Variants in SCMH1 observed in about 807,000 individuals in gnomAD.
SCMH1 encodes polycomb protein SCMH1.
Under a neutral mutation model 70.8 loss-of-function variants are expected in SCMH1, and 37 were observed. That is an observed-to-expected ratio of 0.52 (90% confidence interval 0.40 to 0.69). The LOEUF is 0.69. Ranked by LOEUF, SCMH1 falls within the 30% of genes least tolerant of loss-of-function variation. SCMH1 has a pLI of 0.00. For synonymous variants in SCMH1, 292 were observed against 307.4 expected (o/e 0.95, Z 0.52); for missense variants, 607 against 827.3 (o/e 0.73, Z 3.27).
chr1:41,183,078 C>T (rs1287274894), intron 2 of SCMH1, among the ~76,000 whole-genome samples: 1 of 152,116 alleles, frequency 6.6e-6, no homozygotes, highest in Non-Finnish European at 1.5e-5. Flanking sequence ...CTCTGGCAGT[C>T]CCTATTCCAG....
chr1:41,040,106 G>A (rs965597156), intron 12 of SCMH1, among the ~76,000 whole-genome samples: 2 of 152,142 alleles, frequency 1.3e-5, no homozygotes, highest in Middle Eastern at 6.8e-3. Flanking sequence ...AAAATGGAGA[G>A]GAAAAATGCT....
chr1:41,072,790 C>T (rs578004882), intron 9 of SCMH1, among the ~76,000 whole-genome samples: 2 of 152,158 alleles, frequency 1.3e-5, no homozygotes, highest in African/African-American at 4.8e-5. Flanking sequence ...CGCTTGAGCC[C>T]AGGAGGTCAA....
intron 6 of SCMH1, among the ~76,000 whole-genome samples, chr1:41,128,925 A>G (rs1019673228): frequency 1.3e-5 from 2 of 151,994 alleles, no homozygotes; most frequent in African/African-American, 4.8e-5. Context: ...TCCAACAGTA[A>G]TATGTTGTGG....
At chr1:41,084,871 G>A (rs1207581651) in intron 8 of SCMH1, among the ~76,000 whole-genome samples, 11 of 150,742 alleles carry the variant, frequency 7.3e-5, no homozygotes, top group South Asian at 2.1e-4. Flanking sequence ...GTAAACTATC[G>A]CAAGAACAAA....
chr1:41,133,989 AT>A, intron 6 of SCMH1, among the ~76,000 whole-genome samples: 1 of 152,328 alleles, frequency 6.6e-6, no homozygotes, highest in Middle Eastern at 3.4e-3. Flanking sequence ...AAAAAACAGA[AT>A]TTTAGACCAC....
chr1:41,065,556 G>C (rs1654303824), intron 10 of SCMH1, among the ~76,000 whole-genome samples: 1 of 152,188 alleles, frequency 6.6e-6, no homozygotes, highest in South Asian at 2.1e-4. Flanking sequence ...GATACTACCT[G>C]ACTTCAAGAC....
chr1:41,070,937 T>C (rs988716828), intron 9 of SCMH1, among the ~76,000 whole-genome samples: 2 of 152,216 alleles, frequency 1.3e-5, no homozygotes, highest in Non-Finnish European at 2.9e-5. Context: ...CTCTGGTCTT[T>C]TTTAGGGTCA....
intron 10 of SCMH1, among the ~76,000 whole-genome samples, chr1:41,060,448 T>G (rs1005835556): frequency 6.6e-6 from 1 of 150,776 alleles, no homozygotes. Context: ...AAACTGTTCT[T>G]GAAATGTGAG....
intron 1 of SCMH1, among the ~76,000 whole-genome samples, chr1:41,206,869 G>T (rs968493624): frequency 6.6e-6 from 1 of 152,176 alleles, no homozygotes; most frequent in Non-Finnish European, 1.5e-5. Flanking sequence ...CGCCAGAAGC[G>T]AGTGGGGGCC....
At chr1:41,069,877 T>G (rs973485967) in intron 10 of SCMH1, among the ~76,000 whole-genome samples, 15 of 152,168 alleles carry the variant, frequency 9.9e-5, no homozygotes, top group African/African-American at 2.7e-4. Context: ...ATTAGAGACA[T>G]AATCAACTCC....
At position 41,159,904 on chromosome 1, in the gene SCMH1, C is replaced by T. The variant is rs530656018; in HGVS notation, c.106+971G>A. 6.0e-5 allele frequency: 62 copies of T among 1,032,872 alleles called. 1 individual carries two copies. Among genetic ancestry groups the T allele is most frequent in the Non-Finnish European group, 7.5e-5 (58 of 778,198 alleles). The allele number at this position is 1,032,872 out of a possible 1,614,324, so 64.0% of individuals were successfully genotyped here. On this transcript the variant is annotated intron_variant, in intron 4 of 14. Transcript: ENST00000337495. ...GAGAGTTTTTAAGATGTTTTCACAT[C>T]CATTAGCTCATGTAATCTTCTTTAC...
intron 9 of SCMH1, among the ~76,000 whole-genome samples, chr1:41,074,213 G>C (rs1358662318): frequency 6.6e-6 from 1 of 151,762 alleles, no homozygotes; most frequent in Non-Finnish European, 1.5e-5. Flanking sequence ...TAGAATACTA[G>C]AAGTGTTGTG....
chr1:41,122,330 TAC>T (rs1322001104), intron 6 of SCMH1, among the ~76,000 whole-genome samples: 1 of 152,188 alleles, frequency 6.6e-6, no homozygotes, highest in Non-Finnish European at 1.5e-5. Context: ...ATCAACTCTT[TAC>T]AGTTAGTTAT....
chr1:41,165,156 T>A (rs1202090274), intron 2 of SCMH1, among the ~76,000 whole-genome samples: 3 of 152,152 alleles, frequency 2.0e-5, no homozygotes, highest in Non-Finnish European at 4.4e-5. Flanking sequence ...TGTCGTTCTG[T>A]AACTGACTTC....
chr1:41,182,514 C>G (rs1348033142), intron 2 of SCMH1, among the ~76,000 whole-genome samples: 1 of 152,042 alleles, frequency 6.6e-6, no homozygotes, highest in African/African-American at 2.4e-5. Context: ...CCCAGGAGTT[C>G]GAGAACAGTC....
chr1:41,063,884 C>T (rs1316484079), intron 10 of SCMH1, among the ~76,000 whole-genome samples: 3 of 152,284 alleles, frequency 2.0e-5, no homozygotes, highest in Non-Finnish European at 4.4e-5. Flanking sequence ...GTGAATTCTA[C>T]CAACATTTAA....
intron 8 of SCMH1, among the ~76,000 whole-genome samples, chr1:41,087,327 A>G (rs1397879657): frequency 2.0e-5 from 3 of 152,170 alleles, no homozygotes; most frequent in Non-Finnish European, 4.4e-5. Flanking sequence ...AAATTTAACT[A>G]TAAAATTAAA....
intron 8 of SCMH1, among the ~76,000 whole-genome samples, chr1:41,086,393 G>C (rs904539629): frequency 6.6e-6 from 1 of 152,054 alleles, no homozygotes; most frequent in Non-Finnish European, 1.5e-5. Flanking sequence ...TCCATATGAA[G>C]ATAATTACAA....
intron 1 of SCMH1, among the ~76,000 whole-genome samples, chr1:41,193,672 G>A (rs142996824): frequency 3.2e-4 from 49 of 152,256 alleles, no homozygotes; most frequent in African/African-American, 1.2e-3. Flanking sequence ...GACAATGCTA[G>A]CCATTTATTA....
Sources: allele counts gnomAD v4.1 joint callset (sites outside exome capture counted in the v4.1 genomes callset), GRCh38; gene constraint gnomAD v4.1.1; transcripts MANE v1.5; gene names NCBI Gene and HGNC (gene_info 2026-07-23, HGNC 2026-07-21).